The following RBFOX3 variants were observed in gnomAD, a reference collection of about 807,000 sequenced individuals.
RBFOX3 encodes the protein RNA binding fox-1 homolog 3, also known as RNA binding protein fox-1 homolog 3.
Under a neutral mutation model 48.7 loss-of-function variants are expected in RBFOX3, and 17 were observed. The observed-to-expected ratio is 0.35, with a 90% CI of 0.24 to 0.52. The LOEUF is 0.52. RBFOX3 is among the 20% of genes least tolerant of loss of function. The pLI, the probability that RBFOX3 is intolerant of heterozygous loss-of-function variation, is 0.94. For synonymous variants in RBFOX3, 212 were observed against 209.5 expected, an observed-to-expected ratio of 1.01 and a Z score of -0.10; for missense variants, 382 against 497.5, an observed-to-expected ratio of 0.77 and a Z score of 2.21.
chr17:79,121,577 T>A (rs1404863514), intron 4 of RBFOX3, among the ~76,000 whole-genome samples: 5 of 152,176 alleles, frequency 3.3e-5, no homozygotes, highest in Non-Finnish European at 7.4e-5. Context: ...ATGTGACCAT[T>A]GCAATGTGAC....
chr17:79,097,925 G>T, intron 9 of RBFOX3, 180 bp from the exon 10 acceptor site: 1 of 636,224 alleles, frequency 1.6e-6, no homozygotes, highest in Non-Finnish European at 2.9e-6. Context: ...AAACACCAGG[G>T]TCTACTCCTT....
the RBFOX3 span, among the ~76,000 whole-genome samples, chr17:79,624,183 A>G: frequency 6.6e-6 from 1 of 152,120 alleles, no homozygotes; most frequent in African/African-American, 2.4e-5. Flanking sequence ...TTAATCTACC[A>G]CTTCTACACC....
At chr17:79,118,214 C>T (rs7208212) in intron 4 of RBFOX3, among the ~76,000 whole-genome samples, 37,369 of 152,026 alleles carry the variant, frequency 0.25, 5,926 homozygotes, top group Non-Finnish European at 0.35. Flanking sequence ...CTCCCATCCC[C>T]ACCCCTCCAC....
At chr17:79,466,385 T>C (rs12941666) in intron 2 of RBFOX3, among the ~76,000 whole-genome samples, 70,905 of 152,036 alleles carry the variant, frequency 0.47, 16,992 homozygotes, top group African/African-American at 0.57. Context: ...TGACCCAGGA[T>C]GGAGAAGGGC....
chr17:79,386,096 C>T (rs889265126), intron 2 of RBFOX3, among the ~76,000 whole-genome samples: 11 of 142,716 alleles, frequency 7.7e-5, no homozygotes, highest in Non-Finnish European at 1.5e-4. Context: ...ACCTCCTACA[C>T]CAGACGGGGG....
At chr17:79,150,101 A>G (rs1382040972) in intron 4 of RBFOX3, among the ~76,000 whole-genome samples, 1 of 132,216 alleles carries the variant, frequency 7.6e-6, no homozygotes, top group East Asian at 2.3e-4. Flanking sequence ...GGAGGCAGAC[A>G]AGGAGGGACT....
chr17:79,529,896 C>A (rs1422519456), intron 1 of RBFOX3, among the ~76,000 whole-genome samples: 1 of 152,220 alleles, frequency 6.6e-6, no homozygotes, highest in Non-Finnish European at 1.5e-5. Context: ...TGGGACCCAG[C>A]ACGCTCCTTC....
At chr17:79,143,261 C>T (rs555063971) in intron 4 of RBFOX3, among the ~76,000 whole-genome samples, 2 of 152,016 alleles carry the variant, frequency 1.3e-5, no homozygotes, top group East Asian at 1.9e-4. Context: ...CGTTCTCTGC[C>T]CACCCTGCCT....
At chr17:79,137,237 G>GTACACA (rs2040425578) in intron 4 of RBFOX3, among the ~76,000 whole-genome samples, 1 of 150,290 alleles carries the variant, frequency 6.7e-6, no homozygotes, top group African/African-American at 2.4e-5. Context: ...CCCTCTTCAT[G>GTACACA]CACACACACA....
At chr17:79,548,219 C>T (rs1568404097) in intron 1 of RBFOX3, among the ~76,000 whole-genome samples, 2 of 152,178 alleles carry the variant, frequency 1.3e-5, no homozygotes, top group South Asian at 2.1e-4. Flanking sequence ...GCTCCGCTCC[C>T]GGAGTCCACC....
intron 2 of RBFOX3, among the ~76,000 whole-genome samples, chr17:79,310,354 A>G (rs1434119344): frequency 2.0e-5 from 3 of 152,096 alleles, no homozygotes; most frequent in Non-Finnish European, 4.4e-5. Flanking sequence ...TCTCCCCATG[A>G]CTGGTGCAAA....
intron 4 of RBFOX3, among the ~76,000 whole-genome samples, chr17:79,192,312 A>AT (rs1471420925): frequency 1.3e-5 from 2 of 151,946 alleles, no homozygotes; most frequent in African/African-American, 4.8e-5. Context: ...CTGCATCAGG[A>AT]TGGGGGGGAG....
At chr17:79,552,493 G>A (rs1053883306) in intron 1 of RBFOX3, among the ~76,000 whole-genome samples, 1 of 151,970 alleles carries the variant, frequency 6.6e-6, no homozygotes, top group African/African-American at 2.4e-5. Flanking sequence ...TTTCTTATTC[G>A]TTTCCCACCT....
chr17:79,464,958 T>C (rs2076116709), intron 2 of RBFOX3, among the ~76,000 whole-genome samples: 1 of 152,210 alleles, frequency 6.6e-6, no homozygotes. Context: ...AGTTAGCAAG[T>C]GGGGAACCAC....
chr17:79,260,452 G>A (rs946793590), intron 3 of RBFOX3, among the ~76,000 whole-genome samples: 2 of 152,236 alleles, frequency 1.3e-5, no homozygotes, highest in African/African-American at 4.8e-5. Flanking sequence ...AAGAAAGAAC[G>A]TGGCCTGAGA....
chr17:79,159,806 C>A (rs1419143843), intron 4 of RBFOX3, among the ~76,000 whole-genome samples: 1 of 152,236 alleles, frequency 6.6e-6, no homozygotes, highest in Non-Finnish European at 1.5e-5. Context: ...TACCTCCACA[C>A]TCACACCCTA....
rs2057303422 is a variant in RBFOX3, at chr17:79,204,971, G to T, written c.-34+30795C>A. Among the ~76,000 whole-genome samples, 3 of 152,082 alleles carry T rather than the reference G, an allele frequency of 2.0e-5. No homozygotes were observed. The highest frequency in any genetic ancestry group is 7.2e-5 in the African/African-American group (3 of 41,396). On this transcript the variant is annotated intron_variant, in intron 4 of 14. Transcript: ENST00000693108. This position sits in a 1 kb window ranked among gnomAD's most constrained non-coding sequence, Gnocchi z 4.5. ...AGTAGGGTATTGCTTGGCTTATATA[G>T]CCAGGAAAAAATCAAGAGCTAGAGA...
At chr17:79,573,784 T>C (rs1193332855) in intron 1 of RBFOX3, among the ~76,000 whole-genome samples, 1 of 152,156 alleles carries the variant, frequency 6.6e-6, no homozygotes, top group African/African-American at 2.4e-5. Context: ...TCCATCCTAC[T>C]TGGAGTTTTT....
At position 79,195,897 on chromosome 17, in the gene RBFOX3, T is replaced by G. The variant is rs2055486858; in HGVS notation, c.-34+39869A>C. Among the ~76,000 whole-genome samples, 1 of 152,126 alleles carries G rather than the reference T, an allele frequency of 6.6e-6. No homozygotes were observed. Among genetic ancestry groups the G allele is most frequent in the Non-Finnish European group, 1.5e-5 (1 of 68,026 alleles). On this transcript the variant is annotated intron_variant, in intron 4 of 14. Transcript: ENST00000693108. This position sits in a 1 kb window ranked among gnomAD's most constrained non-coding sequence, Gnocchi z 5.3. ...AGCTTATTGATTTTTCTCTCCGAGG[T>G]AGAAGGAGAGGCCTCGGAAATGCCA... is the stretch of plus-strand genomic sequence containing the variant.
Sources: gnomAD v4.1 joint callset for allele counts (sites outside exome capture counted in the v4.1 genomes callset) on GRCh38, gnomAD v4.1.1 for gene constraint, Gnocchi (gnomAD v3.1) non-coding constraint, MANE v1.5 for transcripts, NCBI Gene and HGNC (gene_info 2026-07-23, HGNC 2026-07-21) for gene names.